SATB2: variants seen among roughly 807,000 people sequenced by gnomAD.
SATB2 encodes the protein DNA-binding protein SATB2.
SATB2 carries 1 observed loss-of-function variant against 73.4 expected under a neutral mutation model. The observed-to-expected ratio is 0.01, with a 90% CI of 0.00 to 0.06. The LOEUF (loss-of-function observed/expected upper bound fraction) is 0.06, where lower values mean the gene tolerates loss of function less well. Among genes scored for constraint, SATB2 ranks in the 10% least tolerant of loss-of-function variants. The pLI is 1.00. For missense variants in SATB2, 459 were observed against 945.8 expected, an observed-to-expected ratio of 0.49 and a Z score of 6.75; for synonymous variants, 397 against 367.0, an observed-to-expected ratio of 1.08 and a Z score of -0.93.
At chr2:199,451,398 T>C (rs1410826121) in intron 2 of SATB2, among the ~76,000 whole-genome samples, 1 of 151,576 alleles carries the variant, frequency 6.6e-6, no homozygotes, top group East Asian at 1.9e-4. Context: ...GGCTAGATTG[T>C]TGGATGACCC....
chr2:199,344,983 C>T (rs976706371), intron 7 of SATB2, among the ~76,000 whole-genome samples: 1 of 152,166 alleles, frequency 6.6e-6, no homozygotes, highest in African/African-American at 2.4e-5. Flanking sequence ...TCTCTCTTAA[C>T]TTCTCAGCTT....
At chr2:199,400,574 T>C (rs375121235) in intron 3 of SATB2, among the ~76,000 whole-genome samples, 197 of 152,314 alleles carry the variant, frequency 1.3e-3, no homozygotes, top group Admixed American at 3.5e-3. Context: ...TGAAACTATT[T>C]GCTATTTGCA....
intron 10 of SATB2, among the ~76,000 whole-genome samples, chr2:199,273,320 T>C (rs1184215435): frequency 3.3e-5 from 5 of 152,156 alleles, no homozygotes; most frequent in African/African-American, 1.2e-4. Context: ...TTCTATTCTA[T>C]TGCAAAAACA....
chr2:199,371,642 T>A (rs1411988421), intron 5 of SATB2, among the ~76,000 whole-genome samples: 1 of 152,198 alleles, frequency 6.6e-6, no homozygotes, highest in Non-Finnish European at 1.5e-5. Context: ...CTTTTTAAAA[T>A]ACATATAATT....
At chr2:199,347,663 C>G (rs1304902439) in intron 7 of SATB2, 1 of 152,190 alleles carries the variant, frequency 6.6e-6, no homozygotes, top group East Asian at 1.9e-4. Flanking sequence ...TATTCATTCT[C>G]CTGGAAGTAT....
chr2:199,394,866 T>C (rs936299552), intron 3 of SATB2, among the ~76,000 whole-genome samples: 15 of 151,948 alleles, frequency 9.9e-5, no homozygotes, highest in Non-Finnish European at 1.9e-4. Flanking sequence ...TATATCACCA[T>C]CAACTTCCCA....
chr2:199,272,108 A>T lies in SATB2; in HGVS notation c.*103T>A. The T allele has an allele frequency of 8.4e-7, 1 of 1,189,542 alleles. No homozygotes were observed. Among genetic ancestry groups the T allele is most frequent in the Non-Finnish European group, 1.2e-6 (1 of 809,564 alleles). 73.7% of individuals were successfully genotyped at this position (1,189,542 alleles called of 1,614,324 possible). A position where few individuals can be genotyped will look rare whatever the true frequency, so the allele number is the denominator to read the frequency against. ...AAAAGACAAAAATAAAGCCAAAAAA[A>T]CCCAAAAACAAAAACAAAAAACAAA... is the stretch of plus-strand genomic sequence containing the variant. On this transcript the variant is annotated 3_prime_UTR_variant, in exon 11 of 11. Transcript: ENST00000417098. This position sits in a 1 kb window ranked among gnomAD's most constrained non-coding sequence, Gnocchi z 6.7.
rs1182214235 is a variant in SATB2, at chr2:199,464,373, TA to T, written c.-141+462del. On this transcript the variant is annotated intron_variant, in intron 1 of 11. Transcript: ENST00000260926. The surrounding 1 kb of genome is among the most constrained non-coding windows in gnomAD (Gnocchi z 6.6). ...GGACTTCACTGGGCGGGTTGGGGTT[TA>T]TTTTCAATAAATTCAGCTGTTCACA... Among the ~76,000 whole-genome samples the T allele has an allele frequency of 6.6e-6, 1 of 152,126 alleles. No homozygotes were observed. Among genetic ancestry groups the T allele is most frequent in the Non-Finnish European group, 1.5e-5 (1 of 68,012 alleles).
chr2:199,467,385 A>G (rs1294797532), upstream of SATB2: 1 of 152,272 alleles, frequency 6.6e-6, no homozygotes, highest in Non-Finnish European at 1.5e-5. Flanking sequence ...GCTTTTATCC[A>G]ACAGCCTCCC....
At chr2:199,470,418 G>A (rs1231370603) in intron 1 of SATB2, 1 of 152,186 alleles carries the variant, frequency 6.6e-6, no homozygotes, top group Non-Finnish European at 1.5e-5. Context: ...TTGGGTCAGA[G>A]GGATCACGAC....
At chr2:199,299,626 T>G (rs534648943) in intron 10 of SATB2, among the ~76,000 whole-genome samples, 1 of 101,380 alleles carries the variant, frequency 9.9e-6, no homozygotes, top group East Asian at 2.2e-4. Context: ...AATGTACATG[T>G]GAAATTTTGT....
chr2:199,325,309 A>G (rs1688000230), intron 8 of SATB2: 1 of 152,130 alleles, frequency 6.6e-6, no homozygotes, highest in Non-Finnish European at 1.5e-5. Flanking sequence ...TTTTCATCTT[A>G]CAGATGAAGA....
At chr2:199,344,981 A>C (rs1445919058) in intron 7 of SATB2, among the ~76,000 whole-genome samples, 1 of 152,078 alleles carries the variant, frequency 6.6e-6, no homozygotes, top group East Asian at 1.9e-4. Context: ...TCTCTCTCTT[A>C]ACTTCTCAGC....
At chr2:199,287,579 G>A (rs1692726155) in intron 10 of SATB2, among the ~76,000 whole-genome samples, 1 of 151,780 alleles carries the variant, frequency 6.6e-6, no homozygotes, top group African/African-American at 2.4e-5. Context: ...AATATGGAGG[G>A]GTGTGGTGGG....
intron 2 of SATB2, among the ~76,000 whole-genome samples, chr2:199,447,935 C>G (rs1692009723): frequency 6.6e-6 from 1 of 150,666 alleles, no homozygotes; most frequent in African/African-American, 2.4e-5. Context: ...CATCTTCTGA[C>G]TGTATAATTG....
chr2:199,383,607 C>T (rs1689841830), intron 3 of SATB2, among the ~76,000 whole-genome samples: 1 of 152,096 alleles, frequency 6.6e-6, no homozygotes, highest in African/African-American at 2.4e-5. Flanking sequence ...ATGAAGTTGA[C>T]AGTTGTGCAC....
At chr2:199,388,317 T>A (rs1690020775) in intron 3 of SATB2, among the ~76,000 whole-genome samples, 1 of 152,174 alleles carries the variant, frequency 6.6e-6, no homozygotes, top group African/African-American at 2.4e-5. Context: ...AGAAGCTTAT[T>A]ATTGCTAAAC....
At chr2:199,433,582 A>G (rs1691567832) in intron 2 of SATB2, 68 bp from the exon 3 acceptor site, 1 of 1,431,406 alleles carries the variant, frequency 7.0e-7, no homozygotes, top group African/African-American at 1.4e-5. Flanking sequence ...CACGATGAGA[A>G]GGGAAGCAAC....
At position 199,270,839 on chromosome 2, in the gene SATB2, T is replaced by C. The variant is rs1387055103; in HGVS notation, c.*1372A>G. ...ACTGAAATCGCTTCACATACTCTAT[T>C]GCCTGGAGCTGCACAACGATTCAAA... On this transcript the variant is annotated 3_prime_UTR_variant, in exon 11 of 11. Transcript: ENST00000417098. 6.6e-6 allele frequency: 1 copy of C among 152,350 alleles called. No individual in the cohort carries two copies. Among genetic ancestry groups the C allele is most frequent in the South Asian group, 2.1e-4 (1 of 4,828 alleles). 9.4% of individuals were successfully genotyped at this position (152,350 alleles called of 1,614,324 possible).
Sources: allele counts gnomAD v4.1 joint callset (sites outside exome capture counted in the v4.1 genomes callset), GRCh38; gene constraint gnomAD v4.1.1; non-coding constraint Gnocchi (gnomAD v3.1); transcripts MANE v1.5; gene names NCBI Gene and HGNC (gene_info 2026-07-23, HGNC 2026-07-21).